ATF2: variants seen among roughly 807,000 people sequenced by gnomAD.
The protein encoded by ATF2 is activating transcription factor 2.
ATF2 carries 24 observed loss-of-function variants against 60.6 expected under a neutral mutation model. That is an observed-to-expected ratio of 0.40 (90% confidence interval 0.29 to 0.56). ATF2 has a LOEUF of 0.56. Ranked by LOEUF, ATF2 falls within the 20% of genes least tolerant of loss-of-function variation. The pLI is 0.54. For synonymous variants in ATF2, 206 were observed against 215.4 expected, an observed-to-expected ratio of 0.96 and a Z score of 0.38; for missense variants, 433 against 607.7, an observed-to-expected ratio of 0.71 and a Z score of 3.02.
rs1263321632 is a variant in ATF2, at chr2:175,093,344, AG to A, written c.979-78del. On this transcript the variant is annotated intron_variant, in intron 11 of 13. Coordinates refer to ENST00000264110, the MANE Select transcript of ATF2 (RefSeq NM_001880.4). ...TAACATAGGCAGTAAAGGGTGTCAA[AG>A]GGGGAGAGCAACTGTATTTTCTAAG... The A allele has an allele frequency of 3.1e-5, 43 of 1,396,490 alleles. No individual in the cohort carries two copies. In the Admixed American group the frequency reaches 8.2e-4, roughly 27 times the overall value. 86.5% of individuals were successfully genotyped at this position (1,396,490 alleles called of 1,614,324 possible).
intron 13 of ATF2, among the ~76,000 whole-genome samples, chr2:175,075,386 A>T (rs1186468533): frequency 6.6e-6 from 1 of 152,184 alleles, no homozygotes; most frequent in Admixed American, 6.6e-5. Flanking sequence ...ACATAGGAGA[A>T]CAAGCAGTAT....
At chr2:175,088,410 A>C (rs1328967218) in intron 12 of ATF2, among the ~76,000 whole-genome samples, 1 of 152,124 alleles carries the variant, frequency 6.6e-6, no homozygotes. Flanking sequence ...AAAAGATTTA[A>C]TCTCATTTTC....
At chr2:175,109,033 G>A (rs1161623298) in intron 10 of ATF2, among the ~76,000 whole-genome samples, 3 of 152,078 alleles carry the variant, frequency 2.0e-5, no homozygotes, top group African/African-American at 4.8e-5. Context: ...CACAAACACT[G>A]CGGAAGGCCG....
intron 2 of ATF2, among the ~76,000 whole-genome samples, chr2:175,149,803 G>T (rs755165882): frequency 2.6e-5 from 4 of 152,092 alleles, no homozygotes; most frequent in Non-Finnish European, 5.9e-5. Flanking sequence ...CTTTTAATCA[G>T]TTTCCTCCCT....
At chr2:175,091,463 T>C (rs962875237) in intron 12 of ATF2, among the ~76,000 whole-genome samples, 3 of 152,128 alleles carry the variant, frequency 2.0e-5, no homozygotes, top group Non-Finnish European at 4.4e-5. Context: ...TGATATAAAA[T>C]AGCCATTTTT....
At chr2:175,134,578 T>C (rs977047351) in intron 3 of ATF2, among the ~76,000 whole-genome samples, 3 of 149,530 alleles carry the variant, frequency 2.0e-5, no homozygotes, top group Non-Finnish European at 4.4e-5. Context: ...AAAAGATCAG[T>C]GTGTTTAATC....
chr2:175,094,403 GAAA>G (rs61440218), intron 11 of ATF2, among the ~76,000 whole-genome samples: 5,811 of 60,592 alleles, frequency 0.096, 58 homozygotes, highest in East Asian at 0.14. Flanking sequence ...CAAAAAATAC[GAAA>G]AAAAAAAAAA....
At chr2:175,152,110 T>C (rs1002824371) in intron 1 of ATF2, among the ~76,000 whole-genome samples, 1 of 152,158 alleles carries the variant, frequency 6.6e-6, no homozygotes, top group African/African-American at 2.4e-5. Context: ...AGGAGGAATA[T>C]TGGCAGACAA....
intron 2 of ATF2, among the ~76,000 whole-genome samples, chr2:175,140,551 C>A (rs1382975873): frequency 6.6e-6 from 1 of 151,974 alleles, no homozygotes; most frequent in Non-Finnish European, 1.5e-5. Context: ...AATTTATCAT[C>A]TTGATTGTGG....
chr2:175,160,852 G>A (rs1298127576), intron 1 of ATF2, among the ~76,000 whole-genome samples: 1 of 151,994 alleles, frequency 6.6e-6, no homozygotes, highest in Non-Finnish European at 1.5e-5. Flanking sequence ...ACCAGCCTGG[G>A]CAACGGCAAG....
At position 175,108,747 on chromosome 2, in the gene ATF2, G is replaced by GGGGAAAAGATAGAGAAATCAGATT. The variant is rs1695944585; in HGVS notation, c.828+2797_828+2820dup. ...TGCGGAATAGAAAAGGGGGAAAGGT[G>GGGGAAAAGATAGAGAAATCAGATT]GGGAAAAGATAGAGAAATCAGATTG... On this transcript the variant is annotated intron_variant, in intron 10 of 13. Coordinates refer to ENST00000264110, the MANE Select transcript of ATF2 (RefSeq NM_001880.4). 3.3e-5 allele frequency among the ~76,000 whole-genome samples: 5 copies of GGGGAAAAGATAGAGAAATCAGATT among 152,164 alleles called. No homozygotes were observed. In the South Asian group the frequency reaches 1.0e-3, roughly 32 times the overall value.
chr2:175,095,620 T>C (rs1694883449), intron 11 of ATF2, among the ~76,000 whole-genome samples: 1 of 152,196 alleles, frequency 6.6e-6, no homozygotes, highest in Admixed American at 6.5e-5. Context: ...TCTCTCCCCA[T>C]GTCTATTAAT....
At chr2:175,110,309 T>C (rs1257885933) in intron 10 of ATF2, among the ~76,000 whole-genome samples, 1 of 148,394 alleles carries the variant, frequency 6.7e-6, no homozygotes, top group Non-Finnish European at 1.5e-5. Flanking sequence ...TACTCCAGCC[T>C]GGGTGAGAGA....
At chr2:175,140,666 T>C (rs550309667) in intron 2 of ATF2, among the ~76,000 whole-genome samples, 5 of 149,526 alleles carry the variant, frequency 3.3e-5, no homozygotes, top group Admixed American at 6.7e-5. Context: ...AAGCTGTTTT[T>C]AAAAGGATAC....
intron 10 of ATF2, among the ~76,000 whole-genome samples, chr2:175,108,812 C>T (rs1695952799): frequency 6.6e-6 from 1 of 152,192 alleles, no homozygotes; most frequent in South Asian, 2.1e-4. Context: ...GGAGACTTCA[C>T]TTAGTTCTGT....
At chr2:175,161,071 C>T (rs1699998366) in intron 1 of ATF2, among the ~76,000 whole-genome samples, 1 of 152,082 alleles carries the variant, frequency 6.6e-6, no homozygotes, top group Non-Finnish European at 1.5e-5. Flanking sequence ...TTATGAAAAT[C>T]ACAGTATCAT....
intron 1 of ATF2, among the ~76,000 whole-genome samples, chr2:175,156,279 G>A (rs1303462742): frequency 6.9e-6 from 1 of 145,174 alleles, no homozygotes; most frequent in Non-Finnish European, 1.5e-5. Context: ...GCTGAGGCAG[G>A]AAAATTGCTT....
chr2:175,107,710 C>T (rs889585354), intron 10 of ATF2, among the ~76,000 whole-genome samples: 11 of 152,200 alleles, frequency 7.2e-5, no homozygotes, highest in African/African-American at 2.7e-4. Context: ...CGATTGCAGG[C>T]GCGCGCCGCC....
chr2:175,152,777 G>A (rs1699398644), intron 1 of ATF2, among the ~76,000 whole-genome samples: 1 of 151,960 alleles, frequency 6.6e-6, no homozygotes, highest in African/African-American at 2.4e-5. Context: ...GTTCCTTAAG[G>A]GAAAAAGGAC....
Sources: gnomAD v4.1 joint callset for allele counts (sites outside exome capture counted in the v4.1 genomes callset) on GRCh38, gnomAD v4.1.1 for gene constraint, MANE v1.5 for transcripts, NCBI Gene and HGNC (gene_info 2026-07-23, HGNC 2026-07-21) for gene names.